ASIC2: variants seen among roughly 807,000 people sequenced by gnomAD.
The protein encoded by ASIC2 is acid-sensing ion channel 2.
ASIC2 carries 25 observed loss-of-function variants against 57.3 expected under a neutral mutation model. The ratio of observed to expected loss-of-function variants is 0.44; its 90% confidence interval spans 0.32 to 0.61. ASIC2 has a LOEUF of 0.61. Among genes scored for constraint, ASIC2 ranks in the 20% least tolerant of loss-of-function variants. The pLI is 0.06. For missense variants in ASIC2, 641 were observed against 738.1 expected, an observed-to-expected ratio of 0.87 and a Z score of 1.52; for synonymous variants, 319 against 307.5, an observed-to-expected ratio of 1.04 and a Z score of -0.39.
At chr17:33,473,212 G>A (rs1423984232) in intron 1 of ASIC2, among the ~76,000 whole-genome samples, 1 of 152,240 alleles carries the variant, frequency 6.6e-6, no homozygotes, top group African/African-American at 2.4e-5. Flanking sequence ...GGGGGACTAT[G>A]GCATAATATC....
At chr17:33,904,263 A>G (rs1915299259) in intron 1 of ASIC2, among the ~76,000 whole-genome samples, 1 of 151,720 alleles carries the variant, frequency 6.6e-6, no homozygotes, top group Non-Finnish European at 1.5e-5. Flanking sequence ...CAGCATCAGC[A>G]TCTTTTGGGA....
intron 1 of ASIC2, among the ~76,000 whole-genome samples, chr17:33,554,726 G>A (rs1432676212): frequency 6.6e-6 from 1 of 152,116 alleles, no homozygotes; most frequent in Non-Finnish European, 1.5e-5. Context: ...ACCACCAGAG[G>A]GTACATACAG....
chr17:33,861,730 CT>C (rs1914106719), intron 1 of ASIC2, among the ~76,000 whole-genome samples: 1 of 152,190 alleles, frequency 6.6e-6, no homozygotes, highest in Non-Finnish European at 1.5e-5. Context: ...TTTTGGTTTG[CT>C]TTCCACTACT....
intron 1 of ASIC2, among the ~76,000 whole-genome samples, chr17:33,724,947 G>A (rs1048439245): frequency 3.3e-5 from 5 of 152,254 alleles, no homozygotes; most frequent in African/African-American, 1.2e-4. Flanking sequence ...TTGCAGTAAG[G>A]GCCCTCGCTA....
At chr17:33,391,839 C>G (rs1909902395) in intron 1 of ASIC2, among the ~76,000 whole-genome samples, 1 of 152,168 alleles carries the variant, frequency 6.6e-6, no homozygotes, top group Admixed American at 6.5e-5. Flanking sequence ...TTATTTAATC[C>G]TTCCAAGAAC....
At chr17:33,358,999 T>C (rs1908494349) in intron 1 of ASIC2, among the ~76,000 whole-genome samples, 1 of 152,152 alleles carries the variant, frequency 6.6e-6, no homozygotes, top group South Asian at 2.1e-4. Flanking sequence ...AGCGTGGACT[T>C]AAGAAGGTGG....
intron 1 of ASIC2, among the ~76,000 whole-genome samples, chr17:33,511,943 C>A (rs574216531): frequency 6.6e-6 from 1 of 152,302 alleles, no homozygotes; most frequent in Admixed American, 6.5e-5. Flanking sequence ...ATGCAAACCA[C>A]AGAGGTCAAG....
chr17:33,740,484 A>C (rs138256020), intron 1 of ASIC2, among the ~76,000 whole-genome samples: 1 of 152,194 alleles, frequency 6.6e-6, no homozygotes, highest in Non-Finnish European at 1.5e-5. Flanking sequence ...AGAGCTCACT[A>C]TCATGAGAAC....
intron 6 of ASIC2, 31 bp downstream of exon 6, chr17:33,023,830 T>C: frequency 6.2e-7 from 1 of 1,612,344 alleles, no homozygotes; most frequent in Non-Finnish European, 8.5e-7. Flanking sequence ...AGTTCCCCCT[T>C]CCCCCTGCCT....
chr17:33,527,719 G>A (rs918232084), intron 1 of ASIC2, among the ~76,000 whole-genome samples: 3 of 152,102 alleles, frequency 2.0e-5, no homozygotes, highest in African/African-American at 7.2e-5. Flanking sequence ...TCATTTTAGG[G>A]ACATGTGCCT....
intron 1 of ASIC2, among the ~76,000 whole-genome samples, chr17:33,181,065 T>C (rs767830205): frequency 2.6e-5 from 4 of 152,274 alleles, no homozygotes; most frequent in Admixed American, 2.0e-4. Context: ...CATAGGATAC[T>C]AGGAGCTGGA....
At chr17:33,756,542 C>T (rs1014550528) in intron 1 of ASIC2, among the ~76,000 whole-genome samples, 2 of 150,526 alleles carry the variant, frequency 1.3e-5, no homozygotes, top group Non-Finnish European at 3.0e-5. Context: ...GTCCTGCCAC[C>T]TGCACAAGTG....
At chr17:33,474,633 C>A (rs1383523395) in intron 1 of ASIC2, among the ~76,000 whole-genome samples, 5 of 152,258 alleles carry the variant, frequency 3.3e-5, no homozygotes, top group South Asian at 2.1e-4. Flanking sequence ...AAGGAGGGAG[C>A]CTGACTTTGC....
At chr17:33,084,813 G>C (rs1247691795) in intron 3 of ASIC2, among the ~76,000 whole-genome samples, 1 of 152,182 alleles carries the variant, frequency 6.6e-6, no homozygotes, top group African/African-American at 2.4e-5. Context: ...CAGCAACTGA[G>C]TTAACCAGGG....
intron 1 of ASIC2, among the ~76,000 whole-genome samples, chr17:34,143,845 G>A (rs929571109): frequency 5.3e-5 from 8 of 152,170 alleles, no homozygotes; most frequent in Non-Finnish European, 7.3e-5. Flanking sequence ...TCCAGATGTG[G>A]CTGCTCAGTG....
chr17:33,620,240 G>GAAAAAAA (rs35560840), intron 1 of ASIC2, among the ~76,000 whole-genome samples: 222 of 74,448 alleles, frequency 3.0e-3, no homozygotes, highest in Non-Finnish European at 3.7e-3. Context: ...AGAGGAAAAT[G>GAAAAAAA]AAAAAAAAAA....
chr17:34,119,220 C>T (rs1911519159), intron 1 of ASIC2, among the ~76,000 whole-genome samples: 1 of 152,142 alleles, frequency 6.6e-6, no homozygotes, highest in Non-Finnish European at 1.5e-5. Context: ...TTTGGAGTCA[C>T]ATGACATCGA....
chr17:33,019,869 G>A (rs539664010), intron 7 of ASIC2, among the ~76,000 whole-genome samples: 9 of 151,984 alleles, frequency 5.9e-5, no homozygotes, highest in South Asian at 2.1e-4. Flanking sequence ...AGAAAGAGAC[G>A]CACATAGAGC....
chr17:33,403,386 T>C (rs1331802555), intron 1 of ASIC2, among the ~76,000 whole-genome samples: 1 of 152,250 alleles, frequency 6.6e-6, no homozygotes, highest in Non-Finnish European at 1.5e-5. Context: ...GGGAAGATCA[T>C]ATCTCTTCTC....
Sources: allele counts gnomAD v4.1 joint callset (sites outside exome capture counted in the v4.1 genomes callset), GRCh38; gene constraint gnomAD v4.1.1; transcripts MANE v1.5; gene names NCBI Gene and HGNC (gene_info 2026-07-23, HGNC 2026-07-21).